Variants in MTHFD2L observed in about 807,000 individuals in gnomAD.
MTHFD2L encodes methylenetetrahydrofolate dehydrogenase (NADP+ dependent) 2 like, also known as bifunctional methylenetetrahydrofolate dehydrogenase/cyclohydrolase 2, mitochondrial.
A neutral mutation model predicts 34.9 loss-of-function variants in MTHFD2L; 29 were observed. That is an observed-to-expected ratio of 0.83 (90% CI 0.62 to 1.13). MTHFD2L has a LOEUF of 1.13. Ranked by LOEUF, MTHFD2L falls within the 50% of genes most tolerant of loss-of-function variation. MTHFD2L has a pLI of 0.00. For missense variants in MTHFD2L, 481 were observed against 446.5 expected (o/e 1.08, Z -0.70); for synonymous variants, 167 against 155.7 (o/e 1.07, Z -0.54).
chr4:74,183,445 A>AGTT (rs1329315617), intron 3 of MTHFD2L: 1 of 152,264 alleles, frequency 6.6e-6, no homozygotes, highest in Admixed American at 6.6e-5. Context: ...TGAGGTCAGG[A>AGTT]GTTCAAGACC....
At chr4:74,269,718 A>G (rs1745720765) in intron 6 of MTHFD2L, among the ~76,000 whole-genome samples, 1 of 152,188 alleles carries the variant, frequency 6.6e-6, no homozygotes, top group South Asian at 2.1e-4. Flanking sequence ...CTTCTGAAAT[A>G]TATTTTCTGC....
chr4:74,145,378 T>C (rs990161238), intron 1 of MTHFD2L, among the ~76,000 whole-genome samples: 3 of 152,176 alleles, frequency 2.0e-5, no homozygotes, highest in Non-Finnish European at 4.4e-5. Context: ...TCTATGCAAA[T>C]ACTTCACCAT....
chr4:74,276,169 A>G (rs1746621375), intron 6 of MTHFD2L, among the ~76,000 whole-genome samples: 1 of 152,150 alleles, frequency 6.6e-6, no homozygotes, highest in Non-Finnish European at 1.5e-5. Context: ...AACATTCTAC[A>G]GAATCAGCTG....
intron 6 of MTHFD2L, chr4:74,267,954 C>T: frequency 1.0e-6 from 1 of 985,244 alleles, no homozygotes; most frequent in Non-Finnish European, 1.2e-6. Flanking sequence ...ATCCTGGTAC[C>T]ACAAGGAATA....
intron 1 of MTHFD2L, among the ~76,000 whole-genome samples, chr4:74,126,347 C>T (rs193211046): frequency 5.1e-4 from 78 of 152,036 alleles, no homozygotes; most frequent in African/African-American, 1.6e-3. Flanking sequence ...ATATACATTT[C>T]GGAAAGATTA....
At chr4:74,275,378 G>T (rs1039680278) in intron 6 of MTHFD2L, among the ~76,000 whole-genome samples, 7 of 151,996 alleles carry the variant, frequency 4.6e-5, no homozygotes, top group African/African-American at 1.7e-4. Context: ...CCAAGTCTTT[G>T]TTATTGTAAA....
At chr4:74,151,495 C>A (rs1723939543) in intron 1 of MTHFD2L, among the ~76,000 whole-genome samples, 1 of 152,144 alleles carries the variant, frequency 6.6e-6, no homozygotes, top group South Asian at 2.1e-4. Flanking sequence ...TTCACACTAC[C>A]TGAGACTTGA....
At chr4:74,144,335 C>A (rs995655853) in intron 1 of MTHFD2L, among the ~76,000 whole-genome samples, 1 of 152,114 alleles carries the variant, frequency 6.6e-6, no homozygotes, top group Non-Finnish European at 1.5e-5. Context: ...CGCCTGTAGT[C>A]CCAGCTGCTC....
chr4:74,128,192 G>A (rs1192394197), intron 1 of MTHFD2L, among the ~76,000 whole-genome samples: 3 of 152,012 alleles, frequency 2.0e-5, no homozygotes, highest in Non-Finnish European at 4.4e-5. Flanking sequence ...CTCCCATTCT[G>A]TCTCTTTACT....
intron 5 of MTHFD2L, among the ~76,000 whole-genome samples, chr4:74,217,733 G>C (rs2110100592): frequency 6.6e-6 from 1 of 151,936 alleles, no homozygotes; most frequent in East Asian, 1.9e-4. Context: ...GTTGAAGACA[G>C]ATCTAGAATC....
chr4:74,213,274 T>C (rs781385007), intron 5 of MTHFD2L, among the ~76,000 whole-genome samples: 2 of 152,234 alleles, frequency 1.3e-5, no homozygotes, highest in African/African-American at 2.4e-5. Flanking sequence ...CATTAGTTGA[T>C]GCAGTTTCTT....
upstream of MTHFD2L, among the ~76,000 whole-genome samples, chr4:74,122,324 G>A (rs1721806889): frequency 6.6e-6 from 1 of 152,152 alleles, no homozygotes; most frequent in Non-Finnish European, 1.5e-5. Context: ...AGAAGGTGAA[G>A]GGGAAACAAG....
At chr4:74,120,430 G>T (rs73827542), upstream of MTHFD2L, among the ~76,000 whole-genome samples, 2,287 of 152,318 alleles carry the variant, frequency 0.015, 48 homozygotes, top group African/African-American at 0.052. Flanking sequence ...CATAGCTGCA[G>T]AACTATTCAA....
Position 74,146,294 on chromosome 4 carries a change from A to C in MTHFD2L, c.-296-13761A>C, listed in dbSNP as rs1369888311. On this transcript the variant is annotated intron_variant, in intron 1 of 7. Transcript: ENST00000433372. ...TTATCAGACAAGATCTGGTGTGTTCAGGGTGGTCTATGACTCCTAAGTTAT... is the reference window on the plus strand; with the variant it reads ...TTATCAGACAAGATCTGGTGTGTTCCGGGTGGTCTATGACTCCTAAGTTAT... Among the ~76,000 whole-genome samples, 4 of 152,304 alleles carry C rather than the reference A, an allele frequency of 2.6e-5. No individual in the cohort carries two copies. In the East Asian group the frequency reaches 7.7e-4, roughly 29 times the overall value.
chr4:74,211,311 G>T (rs762903524), intron 5 of MTHFD2L, among the ~76,000 whole-genome samples: 2 of 152,136 alleles, frequency 1.3e-5, no homozygotes, highest in Non-Finnish European at 2.9e-5. Flanking sequence ...TATGATATTG[G>T]CTATGGGTTT....
intron 3 of MTHFD2L, among the ~76,000 whole-genome samples, chr4:74,187,239 C>T (rs993896614): frequency 1.3e-5 from 2 of 152,002 alleles, no homozygotes; most frequent in Non-Finnish European, 2.9e-5. Context: ...GAAGTTATGC[C>T]AGTAGAAATT....
At chr4:74,127,619 A>G (rs1367754746) in intron 1 of MTHFD2L, among the ~76,000 whole-genome samples, 1 of 152,180 alleles carries the variant, frequency 6.6e-6, no homozygotes, top group Non-Finnish European at 1.5e-5. Flanking sequence ...AATTATGTAT[A>G]TATACCACAG....
chr4:74,234,426 T>A (rs1435361397), intron 6 of MTHFD2L, among the ~76,000 whole-genome samples: 1 of 152,114 alleles, frequency 6.6e-6, no homozygotes, highest in Non-Finnish European at 1.5e-5. Context: ...TTGCCCATGC[T>A]AATAGATGTA....
At chr4:74,133,513 T>C (rs1258967047) in intron 1 of MTHFD2L, among the ~76,000 whole-genome samples, 2 of 152,136 alleles carry the variant, frequency 1.3e-5, no homozygotes, top group Non-Finnish European at 2.9e-5. Flanking sequence ...TTATTGTTTT[T>C]TTCTTTTCTT....
Sources: gnomAD v4.1 joint callset for allele counts (sites outside exome capture counted in the v4.1 genomes callset) on GRCh38, gnomAD v4.1.1 for gene constraint, MANE v1.5 for transcripts, NCBI Gene and HGNC (gene_info 2026-07-23, HGNC 2026-07-21) for gene names.